Variants in SV2C observed in about 807,000 individuals in gnomAD.
SV2C encodes solute carrier family 22 member B3.
In SV2C, 49 loss-of-function variants were observed where a neutral mutation model predicts 79.7. The ratio of observed to expected loss-of-function variants is 0.61; its 90% CI spans 0.49 to 0.78. The LOEUF (loss-of-function observed/expected upper bound fraction) is 0.78. Ranked by LOEUF, SV2C falls within the 30% of genes least tolerant of loss-of-function variation. The probability of loss-of-function intolerance (pLI) is 0.00; values close to 1 mark genes in which losing one functional copy is unlikely to be tolerated. For synonymous variants in SV2C, 334 were observed against 333.2 expected, an observed-to-expected ratio of 1.00 and a Z score of -0.03; for missense variants, 833 against 912.9, an observed-to-expected ratio of 0.91 and a Z score of 1.13.
the SV2C span, among the ~76,000 whole-genome samples, chr5:75,866,011 A>G: frequency 6.6e-6 from 1 of 152,142 alleles, no homozygotes; most frequent in East Asian, 1.9e-4. Context: ...TCCTGCATCT[A>G]GAAACTATCA....
intron 2 of SV2C, among the ~76,000 whole-genome samples, chr5:76,180,106 C>T (rs1044393468): frequency 2.6e-5 from 4 of 152,136 alleles, no homozygotes; most frequent in Admixed American, 6.5e-5. Flanking sequence ...TAGAAATGCA[C>T]GGACTTAAGC....
chr5:76,322,199 C>A (rs1748849992), intron 12 of SV2C, among the ~76,000 whole-genome samples: 1 of 152,110 alleles, frequency 6.6e-6, no homozygotes, highest in African/African-American at 2.4e-5. Context: ...TCTCAGGATA[C>A]AAAATCAACG....
intron 4 of SV2C, among the ~76,000 whole-genome samples, chr5:76,215,627 C>T (rs183749732): frequency 2.3e-3 from 345 of 152,296 alleles, no homozygotes; most frequent in African/African-American, 8.0e-3. Context: ...GAAACAAGAG[C>T]GGGTCCGCCC....
chr5:76,119,015 A>G (rs1014970593), intron 1 of SV2C, among the ~76,000 whole-genome samples: 2 of 152,148 alleles, frequency 1.3e-5, no homozygotes, highest in African/African-American at 2.4e-5. Flanking sequence ...CATCAAAACT[A>G]TGTGCTCCTT....
the SV2C span, among the ~76,000 whole-genome samples, chr5:75,851,055 C>T: frequency 6.6e-6 from 1 of 152,174 alleles, no homozygotes; most frequent in Non-Finnish European, 1.5e-5. Flanking sequence ...AATAGGACTC[C>T]ACATCTAACA....
chr5:76,021,173 A>G, the SV2C span, among the ~76,000 whole-genome samples: 1 of 152,204 alleles, frequency 6.6e-6, no homozygotes, highest in Admixed American at 6.5e-5. Context: ...TAAGACTAAT[A>G]TGCTGATTAA....
chr5:76,034,215 C>G, the SV2C span, among the ~76,000 whole-genome samples: 103 of 151,846 alleles, frequency 6.8e-4, no homozygotes, highest in African/African-American at 2.3e-3. Flanking sequence ...TTGACTTCCT[C>G]TTTTCCTAAT....
chr5:76,258,197 A>T (rs1265711517), intron 4 of SV2C, among the ~76,000 whole-genome samples: 1 of 151,822 alleles, frequency 6.6e-6, no homozygotes, highest in Non-Finnish European at 1.5e-5. Flanking sequence ...TCGACCACAA[A>T]GGTCAGAGCT....
the SV2C span, among the ~76,000 whole-genome samples, chr5:76,025,122 A>G: frequency 6.6e-6 from 1 of 152,050 alleles, no homozygotes; most frequent in African/African-American, 2.4e-5. Flanking sequence ...ACAGGACAGC[A>G]AAGTGTAATA....
chr5:76,068,955 A>G, the SV2C span, among the ~76,000 whole-genome samples: 3 of 152,198 alleles, frequency 2.0e-5, no homozygotes, highest in Non-Finnish European at 4.4e-5. Context: ...CAGTGTAATT[A>G]ATACCATCTG....
At chr5:75,919,543 T>C in the SV2C span, among the ~76,000 whole-genome samples, 7 of 152,298 alleles carry the variant, frequency 4.6e-5, no homozygotes, top group South Asian at 2.1e-4. Flanking sequence ...ATAGAATGCA[T>C]CCTAAACCTT....
At chr5:76,115,290 A>C (rs1407195651) in intron 1 of SV2C, among the ~76,000 whole-genome samples, 1 of 152,220 alleles carries the variant, frequency 6.6e-6, no homozygotes, top group Non-Finnish European at 1.5e-5. Flanking sequence ...TTAAATATGC[A>C]AGATAGGAAT....
At chr5:76,236,145 T>C (rs1403580031) in intron 4 of SV2C, among the ~76,000 whole-genome samples, 2 of 152,230 alleles carry the variant, frequency 1.3e-5, no homozygotes, top group Non-Finnish European at 2.9e-5. Flanking sequence ...GACAACTCTT[T>C]AGTTATCAAA....
chr5:75,924,353 T>C, the SV2C span, among the ~76,000 whole-genome samples: 1 of 152,170 alleles, frequency 6.6e-6, no homozygotes, highest in Non-Finnish European at 1.5e-5. Context: ...GAATCACCAC[T>C]AAAGTACATA....
At chr5:75,876,083 G>T in the SV2C span, among the ~76,000 whole-genome samples, 1 of 152,022 alleles carries the variant, frequency 6.6e-6, no homozygotes. Flanking sequence ...AGACCCGAAG[G>T]AATAGAAATC....
At chr5:75,999,282 A>G in the SV2C span, among the ~76,000 whole-genome samples, 1 of 151,430 alleles carries the variant, frequency 6.6e-6, no homozygotes, top group Non-Finnish European at 1.5e-5. Context: ...GTGTGTATGT[A>G]CATATATATA....
At chr5:75,980,351 C>G in the SV2C span, among the ~76,000 whole-genome samples, 1 of 152,166 alleles carries the variant, frequency 6.6e-6, no homozygotes, top group African/African-American at 2.4e-5. Context: ...GGACTCCTCC[C>G]TAACTGATTC....
intron 12 of SV2C, among the ~76,000 whole-genome samples, chr5:76,305,539 T>A (rs1377020998): frequency 6.6e-6 from 1 of 152,208 alleles, no homozygotes; most frequent in Non-Finnish European, 1.5e-5. Flanking sequence ...ATCTGCATAG[T>A]CCAGATACTT....
intron 1 of SV2C, among the ~76,000 whole-genome samples, chr5:76,120,234 C>T (rs1054642555): frequency 4.0e-5 from 6 of 150,942 alleles, no homozygotes; most frequent in Non-Finnish European, 7.4e-5. Flanking sequence ...ATCTCACAAA[C>T]GTGACTATAT....
Sources: allele counts gnomAD v4.1 joint callset (sites outside exome capture counted in the v4.1 genomes callset), GRCh38; gene constraint gnomAD v4.1.1; transcripts MANE v1.5; gene names NCBI Gene and HGNC (gene_info 2026-07-23, HGNC 2026-07-21).